The following SLIT3 variants were observed in gnomAD, a reference collection of about 807,000 sequenced individuals.
SLIT3 encodes slit homolog 3 protein.
Under a neutral mutation model 184.0 loss-of-function variants are expected in SLIT3, and 68 were observed. The observed-to-expected ratio is 0.37, with a 90% CI of 0.30 to 0.45. The LOEUF (loss-of-function observed/expected upper bound fraction) is 0.45, where lower values mean the gene tolerates loss of function less well. SLIT3 is among the 20% of genes least tolerant of loss of function. The pLI, the probability that SLIT3 is intolerant of heterozygous loss-of-function variation, is 1.00. For missense variants in SLIT3, 1,707 were observed against 2,026.0 expected (o/e 0.84, Z 3.02); for synonymous variants, 831 against 828.6 (o/e 1.00, Z -0.05).
At chr5:168,784,868 GAC>G (rs34317589) in intron 12 of SLIT3, among the ~76,000 whole-genome samples, 2,741 of 149,620 alleles carry the variant, frequency 0.018, 36 homozygotes, top group Middle Eastern at 0.043. Context: ...ATTTTAAAAA[GAC>G]ACACACACAC....
intron 4 of SLIT3, among the ~76,000 whole-genome samples, chr5:168,944,294 G>T (rs7734752): frequency 0.037 from 5,647 of 152,186 alleles, 174 homozygotes; most frequent in Non-Finnish European, 0.047. Flanking sequence ...CAGGGTGTTA[G>T]CAGGAGAGGA....
chr5:168,728,325 A>G (rs1457815546), intron 20 of SLIT3, among the ~76,000 whole-genome samples: 1 of 150,562 alleles, frequency 6.6e-6, no homozygotes, highest in Non-Finnish European at 1.5e-5. Flanking sequence ...TCTCCCCTAC[A>G]AAAGCAATTT....
At chr5:169,246,426 T>C (rs950031331) in intron 2 of SLIT3, among the ~76,000 whole-genome samples, 2 of 152,216 alleles carry the variant, frequency 1.3e-5, no homozygotes, top group African/African-American at 4.8e-5. Flanking sequence ...CTGGTGAGCA[T>C]AGTAGATTTA....
chr5:168,883,622 C>T (rs566079815), intron 4 of SLIT3, among the ~76,000 whole-genome samples: 1 of 152,346 alleles, frequency 6.6e-6, no homozygotes, highest in Admixed American at 6.5e-5. Flanking sequence ...TTATTTGTTG[C>T]ACACACTGCA....
At chr5:169,193,657 G>T in intron 3 of SLIT3, 107 bp from the exon 4 acceptor site, 1 of 837,164 alleles carries the variant, frequency 1.2e-6, no homozygotes, top group Non-Finnish European at 2.1e-6. Flanking sequence ...GGCATTAAGA[G>T]ACTCTCTACG....
chr5:168,858,573 C>A (rs549166155), intron 5 of SLIT3, among the ~76,000 whole-genome samples: 1 of 152,384 alleles, frequency 6.6e-6, no homozygotes. Flanking sequence ...TATCCACAAA[C>A]TCCCCTGCAG....
In SLIT3 at chr5:168,865,584, G is replaced by C. The variant is rs77970106; in HGVS notation, c.485+17681C>G. Among the ~76,000 whole-genome samples the C allele has an allele frequency of 9.3e-3, 1,419 of 152,344 alleles. 19 individuals are homozygous for C. Among genetic ancestry groups the C allele is most frequent in the African/African-American group, 0.032 (1,313 of 41,580 alleles). On this transcript the variant is annotated intron_variant, in intron 5 of 35. Transcript: ENST00000519560. ...GGTGTTCGCCAGGATCCATGCATGG[G>C]AGAGAGGACTGGCTGAAGACAGAAG...
rs748107046 is a variant in SLIT3 at position 168,762,683 on chromosome 5, T to G, written c.1466A>C (p.Glu489Ala). The change falls in exon 15 of 36, where the codon GAG becomes GCG. Residue 489 changes from glutamate to alanine, a missense_variant. Transcript: ENST00000519560. ...GCTGCTGAACCTGCTGCGGTAATCC[T>G]CGGAGCCTGGGAGGGGCCAAAGAGG... is the stretch of plus-strand genomic sequence containing the variant. ...KSKKFRCSGS[E>A]DYRSRFSSEC... 1.2e-6 allele frequency: 2 copies of G among 1,613,294 alleles called. No individual in the cohort carries two copies. The highest frequency in any genetic ancestry group is 3.3e-5 in the Admixed American group (2 of 59,988).
At chr5:169,018,779 G>A (rs1185132115) in intron 4 of SLIT3, 1 of 152,238 alleles carries the variant, frequency 6.6e-6, no homozygotes, top group African/African-American at 2.4e-5. Flanking sequence ...TCTGGTAGAT[G>A]ACTGGCTATT....
chr5:169,034,425 G>C (rs538043069), intron 4 of SLIT3, among the ~76,000 whole-genome samples: 1 of 152,200 alleles, frequency 6.6e-6, no homozygotes, highest in African/African-American at 2.4e-5. Flanking sequence ...TCTATTTTTT[G>C]TGAGTGGTAT....
intron 14 of SLIT3, among the ~76,000 whole-genome samples, chr5:168,763,612 GT>G (rs1305209431): frequency 6.6e-6 from 1 of 152,156 alleles, no homozygotes; most frequent in Non-Finnish European, 1.5e-5. Flanking sequence ...GACCAACAAC[GT>G]GGTGTCTCTG....
At chr5:169,036,725 A>T (rs1227473509) in intron 4 of SLIT3, among the ~76,000 whole-genome samples, 5 of 152,168 alleles carry the variant, frequency 3.3e-5, no homozygotes, top group African/African-American at 1.2e-4. Flanking sequence ...ATGAGAATTG[A>T]CACATGCTCG....
chr5:169,273,513 G>A lies in SLIT3; in HGVS notation c.198-22054C>T, dbSNP rs138026853. Reference sequence around the variant, plus strand: ...GGCTGCAAATTAGAATCACCTGAGGGAGCTTTAACACTTGCTGCCCAGGCC... The same window carrying A: ...GGCTGCAAATTAGAATCACCTGAGGAAGCTTTAACACTTGCTGCCCAGGCC... On this transcript the variant is annotated intron_variant, in intron 1 of 35. Transcript: ENST00000519560. Among the ~76,000 whole-genome samples, 81 of 152,282 alleles carry A rather than the reference G, an allele frequency of 5.3e-4. No homozygotes were observed. In the East Asian group the frequency reaches 0.013, roughly 24 times the overall value.
intron 4 of SLIT3, among the ~76,000 whole-genome samples, chr5:168,977,882 T>G (rs11949730): frequency 0.015 from 2,287 of 152,230 alleles, 52 homozygotes; most frequent in African/African-American, 0.051. Flanking sequence ...AGGGAGGGGC[T>G]ACAGATCTTG....
At chr5:169,264,522 C>A (rs1413304387) in intron 1 of SLIT3, among the ~76,000 whole-genome samples, 1 of 152,190 alleles carries the variant, frequency 6.6e-6, no homozygotes, top group Non-Finnish European at 1.5e-5. Context: ...TCTGAAACTG[C>A]TCACATCAGG....
chr5:168,900,840 G>A (rs1316321760), intron 4 of SLIT3, among the ~76,000 whole-genome samples: 1 of 152,166 alleles, frequency 6.6e-6, no homozygotes, highest in African/African-American at 2.4e-5. Flanking sequence ...GGTCATTATT[G>A]TAAGTGAAAC....
At chr5:169,258,988 T>C (rs555946737) in intron 1 of SLIT3, among the ~76,000 whole-genome samples, 2 of 152,366 alleles carry the variant, frequency 1.3e-5, no homozygotes, top group South Asian at 4.1e-4. Flanking sequence ...CTTAACTTTA[T>C]GGAACTCCCA....
chr5:169,106,097 C>T (rs55806940), intron 4 of SLIT3, among the ~76,000 whole-genome samples: 38,841 of 151,890 alleles, frequency 0.26, 5,465 homozygotes, highest in East Asian at 0.49. Flanking sequence ...CTAATGAATG[C>T]CTGGCTTAAT....
chr5:169,086,578 C>A (rs1282966373), intron 4 of SLIT3, among the ~76,000 whole-genome samples: 1 of 152,154 alleles, frequency 6.6e-6, no homozygotes. Flanking sequence ...TTTTCCTTGA[C>A]TTCACTACAG....
Sources: allele counts gnomAD v4.1 joint callset (sites outside exome capture counted in the v4.1 genomes callset), GRCh38; gene constraint gnomAD v4.1.1; transcripts MANE v1.5; gene names NCBI Gene and HGNC (gene_info 2026-07-23, HGNC 2026-07-21).